Variants in UGT1A9 observed in about 807,000 individuals in gnomAD.
The protein encoded by UGT1A9 is UDP-glucuronosyltransferase 1A9.
A neutral mutation model predicts 45.0 loss-of-function variants in UGT1A9; 35 were observed. The ratio of observed to expected loss-of-function variants is 0.78; its 90% CI spans 0.59 to 1.03. UGT1A9 has a LOEUF of 1.03. Among genes scored for constraint, UGT1A9 ranks in the 50% least tolerant of loss-of-function variants. UGT1A9 has a pLI of 0.00. For synonymous variants in UGT1A9, 278 were observed against 250.6 expected, an observed-to-expected ratio of 1.11 and a Z score of -1.03; for missense variants, 687 against 666.6, an observed-to-expected ratio of 1.03 and a Z score of -0.34.
chr2:233,760,175 C>CT (rs1329658186), intron 1 of UGT1A9: 8 of 1,540,648 alleles, frequency 5.2e-6, no homozygotes, highest in Non-Finnish European at 6.1e-6. Flanking sequence ...GGACTGACAG[C>CT]TTTTTATAGT....
chr2:233,678,349 G>T (rs2074414759), intron 1 of UGT1A9, among the ~76,000 whole-genome samples: 1 of 152,100 alleles, frequency 6.6e-6, no homozygotes, highest in African/African-American at 2.4e-5. Context: ...CATCATAAAG[G>T]TCTCCATCCT....
chr2:233,764,538 TG>T (rs1304174428), intron 1 of UGT1A9, among the ~76,000 whole-genome samples: 1 of 152,146 alleles, frequency 6.6e-6, no homozygotes, highest in Non-Finnish European at 1.5e-5. Flanking sequence ...GATTGCTGAG[TG>T]GGCGTGTGGG....
At position 233,750,184 on chromosome 2, in the gene UGT1A9, G is replaced by A. The variant is rs569592101; in HGVS notation, c.856-16850G>A. Among the ~76,000 whole-genome samples, 93 of 151,970 alleles carry A rather than the reference G, an allele frequency of 6.1e-4. 1 individual carries two copies. The South Asian group carries it at 0.019, about 32-fold the overall frequency. ...TTTTGACCAAAATGCTGATAATGTT[G>A]TGGACAATGAAGTCCAGGCTGAGTC... is the stretch of plus-strand genomic sequence containing the variant. On this transcript the variant is annotated intron_variant, in intron 1 of 4. Transcript: ENST00000354728.
At chr2:233,679,959 CT>C (rs1218699615) in intron 1 of UGT1A9, among the ~76,000 whole-genome samples, 5 of 152,292 alleles carry the variant, frequency 3.3e-5, no homozygotes, top group African/African-American at 9.6e-5. Context: ...TTGGCTCCTG[CT>C]GGCATAGCTG....
chr2:233,762,650 A>G (rs1191446046), intron 1 of UGT1A9, among the ~76,000 whole-genome samples: 5 of 151,336 alleles, frequency 3.3e-5, no homozygotes, highest in Admixed American at 2.6e-4. Context: ...AAGATAAGCT[A>G]TTTTGTAGTT....
chr2:233,695,707 A>C (rs767200635), intron 1 of UGT1A9, among the ~76,000 whole-genome samples: 1 of 152,126 alleles, frequency 6.6e-6, no homozygotes, highest in African/African-American at 2.4e-5. Context: ...TTCACCTAAC[A>C]TAATGACTTC....
chr2:233,766,304 C>T (rs1472747158), intron 1 of UGT1A9, among the ~76,000 whole-genome samples: 4 of 151,950 alleles, frequency 2.6e-5, no homozygotes, highest in Non-Finnish European at 4.4e-5. Context: ...GGCTCTCCTC[C>T]GACTGCCTCA....
chr2:233,765,641 G>A (rs914163891), intron 1 of UGT1A9, among the ~76,000 whole-genome samples: 1 of 151,492 alleles, frequency 6.6e-6, no homozygotes, highest in African/African-American at 2.4e-5. Flanking sequence ...TTAGAGGATA[G>A]GTCAATAGGT....
intron 1 of UGT1A9, chr2:233,730,097 T>C: frequency 6.3e-7 from 1 of 1,588,304 alleles, no homozygotes; most frequent in Non-Finnish European, 8.6e-7. Flanking sequence ...TTTCCAAATA[T>C]TTCATTTCTG....
intron 1 of UGT1A9, among the ~76,000 whole-genome samples, chr2:233,758,886 A>G (rs1359605259): frequency 6.6e-6 from 1 of 152,236 alleles, no homozygotes; most frequent in African/African-American, 2.4e-5. Context: ...TCCATGGTCA[A>G]TAAATACAAA....
At chr2:233,686,149 A>G (rs1406546087) in intron 1 of UGT1A9, among the ~76,000 whole-genome samples, 1 of 152,206 alleles carries the variant, frequency 6.6e-6, no homozygotes, top group African/African-American at 2.4e-5. Flanking sequence ...TTAACTTGAA[A>G]TGGATCAAAG....
chr2:233,684,281 C>T (rs189905621), intron 1 of UGT1A9, among the ~76,000 whole-genome samples: 12 of 152,316 alleles, frequency 7.9e-5, no homozygotes, highest in African/African-American at 2.2e-4. Flanking sequence ...TGAAACATGA[C>T]TTTCAGCTCT....
intron 1 of UGT1A9, chr2:233,743,554 A>G: frequency 7.3e-7 from 1 of 1,367,106 alleles, no homozygotes; most frequent in East Asian, 4.6e-5. Flanking sequence ...CCCCCAAAAT[A>G]TTCTCCAGCG....
Position 233,694,008 on chromosome 2 carries a change from G to A in UGT1A9, c.855+21219G>A, listed in dbSNP as rs12478255. 6,635 of 1,456,404 alleles carry A rather than the reference G, an allele frequency of 4.6e-3. 175 individuals are homozygous for A. In the Admixed American group the frequency reaches 0.07, roughly 15 times the overall value. The allele number at this position is 1,456,404 out of a possible 1,614,324, so 90.2% of individuals were successfully genotyped here. On this transcript the variant is annotated intron_variant, in intron 1 of 4. Coordinates refer to ENST00000354728, the MANE Select transcript of UGT1A9 (RefSeq NM_021027.3). Reference sequence around the variant, plus strand: ...GAAGTGATACCCGGCTCGGAGCAGCGGGAACACATAGGAGACCTGAGGCTG... The same window carrying A: ...GAAGTGATACCCGGCTCGGAGCAGCAGGAACACATAGGAGACCTGAGGCTG...
intron 1 of UGT1A9, among the ~76,000 whole-genome samples, chr2:233,728,327 C>T (rs1274244958): frequency 6.6e-6 from 1 of 152,196 alleles, no homozygotes; most frequent in Admixed American, 6.5e-5. Flanking sequence ...CAGGCTCCAG[C>T]TCCCCCAGTC....
At chr2:233,733,359 G>T (rs892320976) in intron 1 of UGT1A9, among the ~76,000 whole-genome samples, 1 of 152,164 alleles carries the variant, frequency 6.6e-6, no homozygotes, top group Non-Finnish European at 1.5e-5. Flanking sequence ...AGTAGGAGTG[G>T]TGAGAGAGGT....
At chr2:233,682,639 T>C (rs200299318) in intron 1 of UGT1A9, 26 of 1,613,792 alleles carry the variant, frequency 1.6e-5, no homozygotes, top group Non-Finnish European at 2.2e-5. Context: ...CCTCTGAAAT[T>C]CTCCAAACCC....
rs150219224 is a variant in UGT1A9 at position 233,717,206 on chromosome 2, C to T, written c.855+44417C>T. ...CCCTCCCAGGCATGTTCCACCCTCA[C>T]CCCGGGCTCATCAGGAGGGTTCTTA... On this transcript the variant is annotated intron_variant, in intron 1 of 4. Transcript: ENST00000354728. 4.2e-3 allele frequency among the ~76,000 whole-genome samples: 642 copies of T among 152,286 alleles called. 13 individuals are homozygous for T. The highest frequency in any genetic ancestry group is 0.038 in the Admixed American group (585 of 15,298).
chr2:233,746,269 G>A (rs1473358649), intron 1 of UGT1A9, among the ~76,000 whole-genome samples: 3 of 151,774 alleles, frequency 2.0e-5, no homozygotes, highest in South Asian at 2.1e-4. Flanking sequence ...ACAAAACGCT[G>A]TGGGGATTCA....
Sources: gnomAD v4.1 joint callset for allele counts (sites outside exome capture counted in the v4.1 genomes callset) on GRCh38, gnomAD v4.1.1 for gene constraint, MANE v1.5 for transcripts, NCBI Gene and HGNC (gene_info 2026-07-23, HGNC 2026-07-21) for gene names.